TOM1L1: variants seen among roughly 807,000 people sequenced by gnomAD.
TOM1L1 encodes the protein TOM1-like protein 1.
A neutral mutation model predicts 63.4 loss-of-function variants in TOM1L1; 64 were observed. The observed-to-expected ratio is 1.01, with a 90% CI of 0.83 to 1.24. The LOEUF is 1.24. Ranked by LOEUF, TOM1L1 falls within the 50% of genes most tolerant of loss-of-function variation. TOM1L1 has a pLI of 0.00. For missense variants in TOM1L1, 536 were observed against 567.0 expected (o/e 0.95, Z 0.55); for synonymous variants, 166 against 194.4 (o/e 0.85, Z 1.22).
chr17:54,906,614 G>A (rs542458719), intron 3 of TOM1L1, among the ~76,000 whole-genome samples: 4 of 152,060 alleles, frequency 2.6e-5, no homozygotes, highest in Non-Finnish European at 5.9e-5. Context: ...GATGCTCTCA[G>A]CTCATTAAAT....
intron 11 of TOM1L1, among the ~76,000 whole-genome samples, chr17:54,946,739 TATG>T (rs1175274681): frequency 6.6e-6 from 1 of 152,176 alleles, no homozygotes; most frequent in African/African-American, 2.4e-5. Flanking sequence ...GGTCAGGAAA[TATG>T]AAGAGGCAAA....
chr17:54,905,805 A>C (rs2048399322), intron 3 of TOM1L1, among the ~76,000 whole-genome samples: 1 of 152,208 alleles, frequency 6.6e-6, no homozygotes, highest in South Asian at 2.1e-4. Context: ...GTTCCTGAAA[A>C]ATCAATTTTT....
chr17:54,926,566 C>G (rs1217179669), intron 7 of TOM1L1, among the ~76,000 whole-genome samples: 1 of 151,670 alleles, frequency 6.6e-6, no homozygotes, highest in Non-Finnish European at 1.5e-5. Flanking sequence ...CTACAGAAAG[C>G]CTTACTCTAA....
intron 7 of TOM1L1, chr17:54,917,132 T>C (rs1366463421): frequency 6.6e-6 from 1 of 152,224 alleles, no homozygotes; most frequent in Non-Finnish European, 1.5e-5. Flanking sequence ...CAGATGTTTG[T>C]TTAACTTACT....
At chr17:54,943,479 T>TGA (rs1555611746) in intron 11 of TOM1L1, among the ~76,000 whole-genome samples, 3 of 150,208 alleles carry the variant, frequency 2.0e-5, no homozygotes, top group African/African-American at 4.9e-5. Flanking sequence ...TGTGTGTGTG[T>TGA]GAAATAAAGT....
At chr17:54,909,826 T>A (rs1324626231) in intron 3 of TOM1L1, among the ~76,000 whole-genome samples, 2 of 152,234 alleles carry the variant, frequency 1.3e-5, no homozygotes, top group Non-Finnish European at 2.9e-5. Flanking sequence ...TTATTTGTCT[T>A]ATTTCGAAAG....
intron 14 of TOM1L1, among the ~76,000 whole-genome samples, chr17:54,950,918 A>G (rs1225359110): frequency 1.3e-5 from 2 of 152,182 alleles, no homozygotes; most frequent in Non-Finnish European, 2.9e-5. Context: ...ATATGTGAGG[A>G]TTTCTCCCCA....
At chr17:54,914,556 T>A in intron 5 of TOM1L1, 83 bp from the exon 6 acceptor site, 1 of 1,077,742 alleles carries the variant, frequency 9.3e-7, no homozygotes, top group South Asian at 1.3e-5. Context: ...TTGAGAGTGC[T>A]TGAGTTAGCT....
chr17:54,903,946 A>C (rs1451381150), intron 2 of TOM1L1, among the ~76,000 whole-genome samples, 154 bp downstream of exon 2: 2 of 152,182 alleles, frequency 1.3e-5, no homozygotes, highest in African/African-American at 4.8e-5. Context: ...GTCAGGTTGA[A>C]ATATTGGGGC....
intron 10 of TOM1L1, chr17:54,937,502 A>G (rs1367739059): frequency 2.4e-6 from 1 of 409,898 alleles, no homozygotes; most frequent in Non-Finnish European, 4.5e-6. Flanking sequence ...TGTTCAGCCC[A>G]ATGGCCAATA....
At chr17:54,922,120 A>G (rs557733626) in intron 7 of TOM1L1, among the ~76,000 whole-genome samples, 1 of 151,778 alleles carries the variant, frequency 6.6e-6, no homozygotes, top group East Asian at 2.0e-4. Context: ...GTGAAACCCC[A>G]TCTCTACTAA....
Position 54,946,928 on chromosome 17 carries a change from G to A in TOM1L1, c.1131-333G>A, listed in dbSNP as rs182852751. Among the ~76,000 whole-genome samples, 14 of 152,194 alleles carry A rather than the reference G, an allele frequency of 9.2e-5. No individual in the cohort carries two copies. In the East Asian group the frequency reaches 2.3e-3, roughly 25 times the overall value. On this transcript the variant is annotated intron_variant, in intron 11 of 15. Transcript: ENST00000575882. ...CGTTTGCTCCGCTTTATCCTGGACC[G>A]GAGACCTCACAGCTTTCTTCTTAAC...
chr17:54,934,459 G>A (rs1184063235), intron 8 of TOM1L1, among the ~76,000 whole-genome samples: 1 of 152,060 alleles, frequency 6.6e-6, no homozygotes, highest in African/African-American at 2.4e-5. Context: ...TAGGATGTGG[G>A]TACCTTTGTG....
At chr17:54,950,752 G>C (rs1184167822) in intron 14 of TOM1L1, among the ~76,000 whole-genome samples, 3 of 152,128 alleles carry the variant, frequency 2.0e-5, no homozygotes, top group Non-Finnish European at 2.9e-5. Flanking sequence ...CAGCCTACAG[G>C]CTCTATCTTG....
chr17:54,953,223 C>A (rs7207696), intron 14 of TOM1L1: 7,154 of 152,114 alleles, frequency 0.047, 260 homozygotes, highest in East Asian at 0.19. Context: ...CACAAACAAA[C>A]AAAAAAATCA....
chr17:54,960,487 T>C, intron 14 of TOM1L1, 79 bp from the exon 15 acceptor site: 1 of 1,021,422 alleles, frequency 9.8e-7, no homozygotes, highest in Non-Finnish European at 1.6e-6. Context: ...AATTTTTAAT[T>C]ACAGTGCTGG....
intron 7 of TOM1L1, among the ~76,000 whole-genome samples, chr17:54,925,817 T>C (rs1194710545): frequency 3.3e-5 from 5 of 152,006 alleles, no homozygotes; most frequent in African/African-American, 1.2e-4. Flanking sequence ...GGCATGAGAA[T>C]CGCTTGAACC....
At chr17:54,911,940 C>T (rs1201511690) in intron 3 of TOM1L1, among the ~76,000 whole-genome samples, 7 of 152,212 alleles carry the variant, frequency 4.6e-5, no homozygotes, top group African/African-American at 1.7e-4. Flanking sequence ...AACTTCTCTA[C>T]AACCTGGACG....
At chr17:54,928,559 A>T (rs1311595223) in intron 7 of TOM1L1, among the ~76,000 whole-genome samples, 2 of 152,220 alleles carry the variant, frequency 1.3e-5, no homozygotes, top group African/African-American at 4.8e-5. Flanking sequence ...TTATTAGAAC[A>T]TGGCCACACC....
Sources: allele counts gnomAD v4.1 joint callset (sites outside exome capture counted in the v4.1 genomes callset), GRCh38; gene constraint gnomAD v4.1.1; transcripts MANE v1.5; gene names NCBI Gene and HGNC (gene_info 2026-07-23, HGNC 2026-07-21).